PFKP: variants seen among roughly 807,000 people sequenced by gnomAD.
PFKP encodes the protein phosphofructokinase, platelet.
PFKP carries 101 observed loss-of-function variants against 94.3 expected under a neutral mutation model. The observed-to-expected ratio is 1.07, with a 90% CI of 0.91 to 1.26. PFKP has a LOEUF of 1.26. Ranked by LOEUF, PFKP falls within the 50% of genes most tolerant of loss-of-function variation. The pLI, the probability that PFKP is intolerant of heterozygous loss-of-function variation, is 0.00. For missense variants in PFKP, 1,145 were observed against 1,103.3 expected (o/e 1.04, Z -0.53); for synonymous variants, 573 against 432.6 (o/e 1.32, Z -4.03).
chr10:3,100,869 A>AAAAAAAAAAAAAAT, intron 3 of PFKP: 2 of 1,016,966 alleles, frequency 2.0e-6, no homozygotes, highest in Non-Finnish European at 2.9e-6. Context: ...GTGCAAAAAA[A>AAAAAAAAAAAAAAT]AAAAAAAAAA....
At chr10:3,127,658 C>G (rs1400286662) in intron 16 of PFKP, among the ~76,000 whole-genome samples, 1 of 152,228 alleles carries the variant, frequency 6.6e-6, no homozygotes, top group Non-Finnish European at 1.5e-5. Flanking sequence ...ACTGGCCCTT[C>G]AAGAAGGCAG....
chr10:3,100,174 C>T (rs1349628423), intron 3 of PFKP, among the ~76,000 whole-genome samples: 1 of 151,848 alleles, frequency 6.6e-6, no homozygotes, highest in Non-Finnish European at 1.5e-5. Flanking sequence ...GCCACCTCGT[C>T]TCTTTGGTTG....
At chr10:3,132,159 C>T (rs1034585715) in intron 17 of PFKP, among the ~76,000 whole-genome samples, 19 of 152,146 alleles carry the variant, frequency 1.2e-4, no homozygotes, top group Non-Finnish European at 1.8e-4. Flanking sequence ...TAGTGGCCGC[C>T]GTGAGGGCTG....
At chr10:3,132,276 G>T in intron 17 of PFKP, 104 bp from the exon 18 acceptor site, 1 of 788,534 alleles carries the variant, frequency 1.3e-6, no homozygotes, top group Middle Eastern at 3.0e-4. Flanking sequence ...CCTTGGCCAC[G>T]CTCACTGCCA....
chr10:3,079,029 C>T (rs564114284), intron 1 of PFKP, among the ~76,000 whole-genome samples: 36 of 152,310 alleles, frequency 2.4e-4, no homozygotes, highest in African/African-American at 7.2e-4. Flanking sequence ...CTGTGAAACC[C>T]GGGGGCAGCC....
chr10:3,082,747 C>T (rs1833187565), intron 2 of PFKP, among the ~76,000 whole-genome samples: 1 of 152,158 alleles, frequency 6.6e-6, no homozygotes, highest in Non-Finnish European at 1.5e-5. Context: ...TTTAGACAGT[C>T]TTGCTCTGTT....
chr10:3,135,650 T>C lies in PFKP; in HGVS notation c.2123-86T>C, dbSNP rs536000114. On this transcript the variant is annotated intron_variant, in intron 20 of 21. Transcript: ENST00000381125. Reference sequence around the variant, plus strand: ...GGGTTCAGCATGGTTCTGAGGAATCTCAGTTCTCATCTCGCCCCGTGATTC... The same window carrying C: ...GGGTTCAGCATGGTTCTGAGGAATCCCAGTTCTCATCTCGCCCCGTGATTC... 3.2e-4 allele frequency: 255 copies of C among 807,290 alleles called. 2 individuals carry two copies. In the East Asian group the frequency reaches 6.7e-3, roughly 21 times the overall value. The allele number at this position is 807,290 out of a possible 1,614,324, so 50.0% of individuals were successfully genotyped here. A position where few individuals can be genotyped will look rare whatever the true frequency, so the allele number is the denominator to read the frequency against.
At chr10:3,084,527 A>AG (rs1833336313) in intron 2 of PFKP, among the ~76,000 whole-genome samples, 2 of 152,104 alleles carry the variant, frequency 1.3e-5, no homozygotes, top group South Asian at 4.1e-4. Flanking sequence ...ATTTTAACGG[A>AG]GGGTCTAGCT....
intron 15 of PFKP, 67 bp from the exon 16 acceptor site, chr10:3,119,815 GCTCCCAGCCT>G (rs1242825299): frequency 3.2e-5 from 45 of 1,398,932 alleles, no homozygotes; most frequent in Non-Finnish European, 3.9e-5. Flanking sequence ...TGGAGGTGGC[GCTCCCAGCCT>G]CTCCCAGCGA....
chr10:3,107,890 A>G (rs746037275), intron 8 of PFKP: 3 of 1,289,372 alleles, frequency 2.3e-6, no homozygotes, highest in South Asian at 2.5e-5. Context: ...CCCCTGCTGT[A>G]GACGGGGCTG....
intron 13 of PFKP, 138 bp from the exon 14 acceptor site, chr10:3,116,638 G>A: frequency 1.4e-6 from 1 of 696,408 alleles, no homozygotes; most frequent in South Asian, 1.6e-5. Flanking sequence ...CGGGCATCGT[G>A]ATAAATGCTG....
At chr10:3,092,468 G>A (rs181104487) in intron 2 of PFKP, among the ~76,000 whole-genome samples, 170 of 152,130 alleles carry the variant, frequency 1.1e-3, no homozygotes, top group Middle Eastern at 0.01. Flanking sequence ...TAGCGGAGTA[G>A]GCTGGCTGTG....
chr10:3,070,558 T>A (rs1588370388), intron 1 of PFKP, among the ~76,000 whole-genome samples: 1 of 152,220 alleles, frequency 6.6e-6, no homozygotes, highest in Non-Finnish European at 1.5e-5. Context: ...TTTTGTATTC[T>A]AAGAGCTTTA....
chr10:3,078,095 C>G (rs962685286), intron 1 of PFKP, among the ~76,000 whole-genome samples: 4 of 152,222 alleles, frequency 2.6e-5, no homozygotes, highest in African/African-American at 9.6e-5. Context: ...CAATCTGTGG[C>G]TTGAGTGTTG....
Position 3,136,538 on chromosome 10 carries a change from G to C in PFKP, c.2314G>C (p.Asp772His). The change falls in exon 22 of 22, where the codon GAC becomes CAC. Residue 772 changes from aspartate to histidine, a missense_variant. Around this residue, in one of 3 missense-constraint regions of PFKP, gnomAD observed 20 missense variants for 19.6 expected, o/e 1.02. Transcript: ENST00000381125. Reference sequence around the variant, plus strand: ...GTACAAGGCCAGCTATGACGTGTCGGACTCAGGCCAGCTGGAACATGTGCA... The same window carrying C: ...GTACAAGGCCAGCTATGACGTGTCGCACTCAGGCCAGCTGGAACATGTGCA... ...AKYKASYDVSDSGQLEHVQPW... is the reference protein window; with the variant it reads ...AKYKASYDVSHSGQLEHVQPW... 3.1e-6 allele frequency: 5 copies of C among 1,613,658 alleles called. No individual in the cohort carries two copies. The highest frequency in any genetic ancestry group is 4.2e-6 in the Non-Finnish European group (5 of 1,179,792).
chr10:3,135,874 C>A, intron 21 of PFKP, 36 bp downstream of exon 21: 1 of 1,268,174 alleles, frequency 7.9e-7, no homozygotes, highest in South Asian at 1.2e-5. Flanking sequence ...AATAAGACCC[C>A]AATGTGAGTA....
intron 1 of PFKP, among the ~76,000 whole-genome samples, 166 bp downstream of exon 1, chr10:3,067,873 G>A (rs988329956): frequency 3.3e-5 from 5 of 151,714 alleles, no homozygotes; most frequent in African/African-American, 7.3e-5. Flanking sequence ...GCGGGGAAGC[G>A]ATGGGGAGAA....
chr10:3,136,351 C>A, intron 21 of PFKP, 99 bp from the exon 22 acceptor site: 1 of 1,257,724 alleles, frequency 8.0e-7, no homozygotes, highest in Non-Finnish European at 1.1e-6. Flanking sequence ...ACCCTACAAA[C>A]CCTGTGTTTC....
At chr10:3,134,340 G>T in intron 19 of PFKP, 143 bp from the exon 20 acceptor site, 1 of 612,688 alleles carries the variant, frequency 1.6e-6, no homozygotes, top group Admixed American at 2.5e-5. Flanking sequence ...TTCAGGCTAC[G>T]GGAATCACAG....
Sources: gnomAD v4.1 joint callset for allele counts (sites outside exome capture counted in the v4.1 genomes callset) on GRCh38, gnomAD v4.1.1 for gene constraint, gnomAD v4.1.1 regional missense constraint, MANE v1.5 for transcripts, NCBI Gene and HGNC (gene_info 2026-07-23, HGNC 2026-07-21) for gene names.